Variants in CDH12 observed in about 807,000 individuals in gnomAD.
CDH12 encodes the protein cadherin-12.
In CDH12, 41 loss-of-function variants were observed where a neutral mutation model predicts 74.1. The ratio of observed to expected loss-of-function variants is 0.55; its 90% CI spans 0.43 to 0.72. CDH12 has a LOEUF of 0.72. Among genes scored for constraint, CDH12 ranks in the 30% least tolerant of loss-of-function variants. The pLI, the probability that CDH12 is intolerant of heterozygous loss-of-function variation, is 0.00. For synonymous variants in CDH12, 399 were observed against 355.0 expected, an observed-to-expected ratio of 1.12 and a Z score of -1.39; for missense variants, 945 against 977.2, an observed-to-expected ratio of 0.97 and a Z score of 0.44.
chr5:22,509,190 G>A (rs939650884), intron 1 of CDH12, among the ~76,000 whole-genome samples: 2 of 152,060 alleles, frequency 1.3e-5, no homozygotes, highest in Admixed American at 1.3e-4. Context: ...TTAGAGAGAT[G>A]GATAGATGTT....
At chr5:21,897,131 GA>G (rs967026786) in intron 6 of CDH12, among the ~76,000 whole-genome samples, 2 of 151,902 alleles carry the variant, frequency 1.3e-5, no homozygotes, top group African/African-American at 2.4e-5. Context: ...GGAGAAAGGG[GA>G]AAAAAAGGTT....
In CDH12 at chr5:22,240,881, A is replaced by C. The variant is rs561790634; in HGVS notation, c.-332-28238T>G. Among the ~76,000 whole-genome samples, 4 of 152,268 alleles carry C rather than the reference A, an allele frequency of 2.6e-5. No homozygotes were observed. The East Asian group carries it at 7.7e-4, about 29-fold the overall frequency. ...CAATTTGAGAGCAGTTATTTTTCAC[A>C]AAGAAAAGTTATAATTAACATAGAA... is the stretch of plus-strand genomic sequence containing the variant. On this transcript the variant is annotated intron_variant, in intron 3 of 14. Coordinates refer to ENST00000382254, the MANE Select transcript of CDH12 (RefSeq NM_004061.5).
chr5:22,043,430 T>A (rs1240715187), intron 5 of CDH12, among the ~76,000 whole-genome samples: 3 of 152,104 alleles, frequency 2.0e-5, no homozygotes, highest in Non-Finnish European at 4.4e-5. Flanking sequence ...AAATTAGACA[T>A]CAAATGTATA....
At chr5:21,864,313 T>G (rs959947888) in intron 6 of CDH12, among the ~76,000 whole-genome samples, 1 of 152,140 alleles carries the variant, frequency 6.6e-6, no homozygotes, top group Admixed American at 6.5e-5. Context: ...GAAGATTGCA[T>G]GTGAGTCAGT....
chr5:22,124,755 G>A (rs566068458), intron 4 of CDH12, among the ~76,000 whole-genome samples: 3 of 152,218 alleles, frequency 2.0e-5, no homozygotes, highest in African/African-American at 7.2e-5. Context: ...GAGGATCTTT[G>A]AATGTATGGA....
chr5:21,783,671 C>T (rs1746042165), intron 10 of CDH12, among the ~76,000 whole-genome samples, 177 bp from the exon 11 acceptor site: 1 of 152,004 alleles, frequency 6.6e-6, no homozygotes, highest in African/African-American at 2.4e-5. Flanking sequence ...CAAGGGGAAA[C>T]TGGAAATAAT....
At chr5:22,790,526 T>A (rs1395362268) in intron 1 of CDH12, among the ~76,000 whole-genome samples, 1 of 152,128 alleles carries the variant, frequency 6.6e-6, no homozygotes, top group South Asian at 2.1e-4. Context: ...TGGCTTCATA[T>A]AATCCCTTTG....
intron 1 of CDH12, among the ~76,000 whole-genome samples, chr5:22,828,567 C>T (rs966693278): frequency 1.3e-5 from 2 of 152,166 alleles, no homozygotes; most frequent in African/African-American, 4.8e-5. Flanking sequence ...AATCCAATAA[C>T]AGCGTGTGGT....
intron 4 of CDH12, among the ~76,000 whole-genome samples, chr5:22,174,167 T>C (rs1749203814): frequency 2.6e-5 from 4 of 151,986 alleles, no homozygotes; most frequent in African/African-American, 4.8e-5. Flanking sequence ...ACAAGATTCA[T>C]TGGAAATTCA....
At chr5:21,793,737 G>A (rs1746629250) in intron 10 of CDH12, among the ~76,000 whole-genome samples, 1 of 151,446 alleles carries the variant, frequency 6.6e-6, no homozygotes, top group African/African-American at 2.4e-5. Flanking sequence ...TTTCCTGCTT[G>A]TGATTAGTCT....
Position 22,360,813 on chromosome 5 carries a change from G to T in CDH12, c.-333+44444C>A, listed in dbSNP as rs1317879713. 2.0e-5 allele frequency among the ~76,000 whole-genome samples: 3 copies of T among 152,104 alleles called. No homozygotes were observed. In the East Asian group the frequency reaches 5.8e-4, roughly 29 times the overall value. ...ATAAACGTAATCCAGCAAATAAACA[G>T]AACCAAAGACAAAAACCACATGATT... On this transcript the variant is annotated intron_variant, in intron 3 of 14. Coordinates refer to ENST00000382254, the MANE Select transcript of CDH12 (RefSeq NM_004061.5).
At chr5:22,344,427 G>A (rs1201791219) in intron 3 of CDH12, among the ~76,000 whole-genome samples, 2 of 152,130 alleles carry the variant, frequency 1.3e-5, no homozygotes, top group African/African-American at 4.8e-5. Flanking sequence ...ATATGAATGT[G>A]TTGATTGATT....
chr5:22,706,723 A>C (rs987394013), intron 1 of CDH12, among the ~76,000 whole-genome samples: 6 of 152,114 alleles, frequency 3.9e-5, no homozygotes, highest in Non-Finnish European at 8.8e-5. Flanking sequence ...TTTGTATATC[A>C]ATTTGCATTA....
chr5:22,796,298 C>T (rs140009154), intron 1 of CDH12, among the ~76,000 whole-genome samples: 87 of 152,238 alleles, frequency 5.7e-4, no homozygotes, highest in African/African-American at 2.0e-3. Context: ...TACTAATTTA[C>T]ATTCCCACCA....
At chr5:21,924,703 T>A (rs6452034) in intron 6 of CDH12, among the ~76,000 whole-genome samples, 146,911 of 152,272 alleles carry the variant, frequency 0.96, 70,993 homozygotes, top group East Asian at 1. Flanking sequence ...TTTTAATGTC[T>A]TACTACTGTT....
At chr5:21,754,949 A>G (rs968738561) in intron 14 of CDH12, among the ~76,000 whole-genome samples, 3 of 152,188 alleles carry the variant, frequency 2.0e-5, no homozygotes, top group Non-Finnish European at 2.9e-5. Flanking sequence ...ATTTACTCCA[A>G]TCATTTTGCT....
chr5:22,081,263 A>G (rs1561090502), intron 4 of CDH12, among the ~76,000 whole-genome samples: 1 of 152,188 alleles, frequency 6.6e-6, no homozygotes, highest in Admixed American at 6.5e-5. Context: ...CATGAACTCC[A>G]TCACGTTTGC....
intron 1 of CDH12, among the ~76,000 whole-genome samples, chr5:22,594,192 G>T (rs1736483394): frequency 6.6e-6 from 1 of 152,284 alleles, no homozygotes; most frequent in South Asian, 2.1e-4. Flanking sequence ...TAAATTTTGA[G>T]CCTGGCATTA....
chr5:21,864,406 A>T (rs1751217462), intron 6 of CDH12, among the ~76,000 whole-genome samples: 1 of 152,098 alleles, frequency 6.6e-6, no homozygotes, highest in South Asian at 2.1e-4. Flanking sequence ...ACAATAACAA[A>T]AAGATGGAAG....
Sources: allele counts gnomAD v4.1 joint callset (sites outside exome capture counted in the v4.1 genomes callset), GRCh38; gene constraint gnomAD v4.1.1; transcripts MANE v1.5; gene names NCBI Gene and HGNC (gene_info 2026-07-23, HGNC 2026-07-21).